Variants in C4orf36 observed in about 807,000 individuals in gnomAD.
C4orf36 encodes the protein uncharacterized protein C4orf36.
In C4orf36, 11 loss-of-function variants were observed where a neutral mutation model predicts 12.2. The observed-to-expected ratio is 0.90, with a 90% confidence interval of 0.57 to 1.49. C4orf36 has a LOEUF of 1.49. Ranked by LOEUF, C4orf36 falls within the 40% of genes most tolerant of loss-of-function variation. The pLI is 0.00. For missense variants in C4orf36, 137 were observed against 133.9 expected (o/e 1.02, Z -0.11); for synonymous variants, 54 against 51.3 (o/e 1.05, Z -0.22).
chr4:86,913,274 T>C, the C4orf36 span: 2 of 626,684 alleles, frequency 3.2e-6, no homozygotes, highest in African/African-American at 3.6e-5. Flanking sequence ...AGGCCCTGGA[T>C]GGAAGACTCG....
intron 4 of C4orf36, among the ~76,000 whole-genome samples, chr4:86,883,964 G>C (rs1387286599): frequency 6.6e-6 from 1 of 151,392 alleles, no homozygotes; most frequent in Admixed American, 6.6e-5. Flanking sequence ...AGGAGGCAGA[G>C]GTTACAGTGA....
chr4:86,880,657 C>G (rs1272343854), intron 4 of C4orf36, among the ~76,000 whole-genome samples: 2 of 152,190 alleles, frequency 1.3e-5, no homozygotes, highest in African/African-American at 4.8e-5. Context: ...ACTAAAGAGA[C>G]TCCTTCAAGT....
At chr4:86,932,461 G>A in the C4orf36 span, 1 of 151,756 alleles carries the variant, frequency 6.6e-6, no homozygotes, top group Non-Finnish European at 1.5e-5. Context: ...GGCTTAAAAT[G>A]CTTGGATCTT....
intron 4 of C4orf36, among the ~76,000 whole-genome samples, chr4:86,885,006 T>C (rs1490522646): frequency 1.3e-5 from 2 of 152,232 alleles, no homozygotes; most frequent in Non-Finnish European, 2.9e-5. Flanking sequence ...AAAGATCAGA[T>C]AGTTGCAGAT....
intron 4 of C4orf36, among the ~76,000 whole-genome samples, chr4:86,880,963 G>T (rs577365121): frequency 5.3e-5 from 8 of 151,400 alleles, no homozygotes; most frequent in Non-Finnish European, 1.2e-4. Flanking sequence ...AACCCAGGAG[G>T]TGGAGGTTGC....
the C4orf36 span, among the ~76,000 whole-genome samples, chr4:86,931,508 C>G: frequency 6.6e-6 from 1 of 152,224 alleles, no homozygotes; most frequent in African/African-American, 2.4e-5. Context: ...AAGTTATCCC[C>G]CTACCTCAGC....
chr4:86,935,817 C>G, the C4orf36 span: 1 of 152,116 alleles, frequency 6.6e-6, no homozygotes, highest in Middle Eastern at 3.4e-3. Context: ...ACTTCAGGGA[C>G]AGAGGGAGAG....
At chr4:86,915,748 T>C in the C4orf36 span, among the ~76,000 whole-genome samples, 2 of 151,966 alleles carry the variant, frequency 1.3e-5, no homozygotes, top group Admixed American at 6.6e-5. Flanking sequence ...GATTGTACCA[T>C]TACACTCCAG....
chr4:86,907,158 G>A, the C4orf36 span, among the ~76,000 whole-genome samples: 55 of 152,318 alleles, frequency 3.6e-4, no homozygotes, highest in African/African-American at 1.3e-3. Flanking sequence ...GAGTGGCCCA[G>A]AGACCACTGG....
Position 86,888,115 on chromosome 4 carries a change from A to T in C4orf36, c.220+6T>A, listed in dbSNP as rs773224909. 3.1e-6 allele frequency: 5 copies of T among 1,607,704 alleles called. No homozygotes were observed. Among genetic ancestry groups the T allele is most frequent in the Non-Finnish European group, 4.2e-6 (5 of 1,177,368 alleles). ...AACTTATTAAAGCAGAACTTAAGGA[A>T]CTTACATTCTGCAGAAGGGAGCAGT... On this transcript the variant is annotated splice_donor_region_variant and intron_variant, in intron 3 of 4. Transcript: ENST00000295898.
intron 4 of C4orf36, among the ~76,000 whole-genome samples, chr4:86,882,384 A>T (rs931821103): frequency 8.5e-5 from 13 of 152,222 alleles, no homozygotes; most frequent in South Asian, 8.3e-4. Flanking sequence ...ATGCCTCTTT[A>T]TCAACTAAGA....
At chr4:86,935,231 G>GTCCTT in the C4orf36 span, 1 of 152,336 alleles carries the variant, frequency 6.6e-6, no homozygotes. Flanking sequence ...AGGACGGAAG[G>GTCCTT]GTCTGGAAGG....
the C4orf36 span, among the ~76,000 whole-genome samples, chr4:86,907,321 A>G: frequency 6.6e-6 from 1 of 152,184 alleles, no homozygotes; most frequent in Non-Finnish European, 1.5e-5. Flanking sequence ...GTTAAGAACC[A>G]CCTGCCTAGG....
At chr4:86,908,098 A>G in the C4orf36 span, among the ~76,000 whole-genome samples, 9,640 of 152,110 alleles carry the variant, frequency 0.063, 437 homozygotes, top group Non-Finnish European at 0.089. Flanking sequence ...TTTCTTACAC[A>G]TAGATGCTCA....
the C4orf36 span, among the ~76,000 whole-genome samples, chr4:86,931,974 G>A: frequency 1.3e-5 from 2 of 149,248 alleles, no homozygotes; most frequent in Non-Finnish European, 3.0e-5. Flanking sequence ...GACGGAGCTT[G>A]CAGTGAGCCG....
At chr4:86,886,698 A>ATTG (rs1202114876) in intron 4 of C4orf36, 9 of 152,214 alleles carry the variant, frequency 5.9e-5, no homozygotes, top group African/African-American at 2.2e-4. Context: ...TGTGGAAGAC[A>ATTG]GTGTGGCAAT....
At chr4:86,918,052 C>G in the C4orf36 span, among the ~76,000 whole-genome samples, 2 of 151,506 alleles carry the variant, frequency 1.3e-5, no homozygotes, top group Non-Finnish European at 3.0e-5. Flanking sequence ...TCTGGATAGA[C>G]AGCCTTCTTT....
the C4orf36 span, among the ~76,000 whole-genome samples, chr4:86,930,335 A>G: frequency 3.5e-3 from 526 of 152,366 alleles, 2 homozygotes; most frequent in Middle Eastern, 0.014. Context: ...AAACACTTAT[A>G]CTAATCTAAT....
At chr4:86,880,180 C>A (rs28854225) in intron 4 of C4orf36, among the ~76,000 whole-genome samples, 9,472 of 152,226 alleles carry the variant, frequency 0.062, 434 homozygotes, top group Non-Finnish European at 0.087. Context: ...AGCAGAAACC[C>A]TGCAGGCCAG....
Sources: allele counts gnomAD v4.1 joint callset (sites outside exome capture counted in the v4.1 genomes callset), GRCh38; gene constraint gnomAD v4.1.1; transcripts MANE v1.5; gene names NCBI Gene and HGNC (gene_info 2026-07-23, HGNC 2026-07-21).